Variants in SPIDR observed in about 807,000 individuals in gnomAD.
SPIDR encodes DNA repair-scaffolding protein.
Under a neutral mutation model 104.6 loss-of-function variants are expected in SPIDR, and 93 were observed. That is an observed-to-expected ratio of 0.89 (90% CI 0.75 to 1.06). The LOEUF (loss-of-function observed/expected upper bound fraction) is 1.06. Among genes scored for constraint, SPIDR ranks in the 50% least tolerant of loss-of-function variants. SPIDR has a pLI of 0.00. For missense variants in SPIDR, 1,154 were observed against 1,111.2 expected, an observed-to-expected ratio of 1.04 and a Z score of -0.55; for synonymous variants, 431 against 416.9, an observed-to-expected ratio of 1.03 and a Z score of -0.41.
intron 9 of SPIDR, among the ~76,000 whole-genome samples, chr8:47,597,229 T>A (rs1297309436): frequency 1.3e-5 from 2 of 152,208 alleles, no homozygotes; most frequent in Non-Finnish European, 2.9e-5. Flanking sequence ...TACCTTTTTT[T>A]TTATACTTTA....
intron 10 of SPIDR, among the ~76,000 whole-genome samples, chr8:47,625,684 C>T (rs1373718667): frequency 6.2e-4 from 94 of 151,526 alleles, no homozygotes; most frequent in East Asian, 1.4e-3. Flanking sequence ...TTACAAGGGA[C>T]GTGAAGGACC....
chr8:47,396,268 C>T, intron 5 of SPIDR, 108 bp from the exon 6 acceptor site: 1 of 973,114 alleles, frequency 1.0e-6, no homozygotes, highest in East Asian at 2.6e-5. Flanking sequence ...AAAGGTCCTT[C>T]AAGAGCTGTA....
intron 5 of SPIDR, among the ~76,000 whole-genome samples, chr8:47,329,995 G>C (rs1554603503): frequency 6.6e-6 from 1 of 152,162 alleles, no homozygotes; most frequent in Non-Finnish European, 1.5e-5. Flanking sequence ...CATATGCTGA[G>C]TTTTAATTAG....
At position 47,625,765 on chromosome 8, in the gene SPIDR, A is replaced by G. The variant is rs1013937786; in HGVS notation, c.1544+26569A>G. The stretch of plus-strand genomic sequence containing the variant: ...ATACAAACAAATGGAAGAACATTCC[A>G]TGCTCATGGGTAGGAAGAATCAATA... On this transcript the variant is annotated intron_variant, in intron 10 of 19. Coordinates refer to ENST00000297423, the MANE Select transcript of SPIDR (RefSeq NM_001080394.4). 4.0e-4 allele frequency among the ~76,000 whole-genome samples: 61 copies of G among 152,286 alleles called. No homozygotes were observed. In the East Asian group the frequency reaches 7.1e-3, roughly 18 times the overall value.
intron 5 of SPIDR, among the ~76,000 whole-genome samples, chr8:47,343,603 G>C (rs2051216742): frequency 6.6e-6 from 1 of 152,182 alleles, no homozygotes; most frequent in African/African-American, 2.4e-5. Flanking sequence ...TCATCTGCGT[G>C]TGCTTCACTT....
intron 10 of SPIDR, among the ~76,000 whole-genome samples, chr8:47,623,511 C>G (rs1004202709): frequency 3.9e-5 from 6 of 152,078 alleles, no homozygotes; most frequent in Non-Finnish European, 7.3e-5. Context: ...TGCAGAGACA[C>G]ATATAGGCCC....
intron 8 of SPIDR, among the ~76,000 whole-genome samples, chr8:47,558,780 C>T (rs1800379257): frequency 6.6e-6 from 1 of 152,156 alleles, no homozygotes; most frequent in Admixed American, 6.5e-5. Flanking sequence ...GCTCGGACTA[C>T]AGGCGCCCAC....
At chr8:47,501,265 C>T (rs1468094369) in intron 8 of SPIDR, among the ~76,000 whole-genome samples, 1 of 152,308 alleles carries the variant, frequency 6.6e-6, no homozygotes, top group South Asian at 2.1e-4. Flanking sequence ...TTGATTCTTC[C>T]TATCCATGAG....
At chr8:47,286,702 A>G (rs2038913638) in intron 3 of SPIDR, among the ~76,000 whole-genome samples, 1 of 152,346 alleles carries the variant, frequency 6.6e-6, no homozygotes, top group South Asian at 2.1e-4. Context: ...TCAGAACTTA[A>G]TCTAGGGGGA....
At chr8:47,361,832 G>A (rs2056031308) in intron 5 of SPIDR, among the ~76,000 whole-genome samples, 1 of 152,238 alleles carries the variant, frequency 6.6e-6, no homozygotes, top group South Asian at 2.1e-4. Context: ...CTTTATTTTA[G>A]TTGGCTCCAT....
In SPIDR at chr8:47,596,770, A is replaced by G. The variant is rs557613956; in HGVS notation, c.1293+764A>G. Among the ~76,000 whole-genome samples, 18 of 152,320 alleles carry G rather than the reference A, an allele frequency of 1.2e-4. No individual in the cohort carries two copies. In the South Asian group the frequency reaches 3.7e-3, roughly 32 times the overall value. On this transcript the variant is annotated intron_variant, in intron 9 of 19. Coordinates refer to ENST00000297423, the MANE Select transcript of SPIDR (RefSeq NM_001080394.4). ...TCTTTTATAGCAACACTTAGCTTAC[A>G]ACACAAATACATTGTACAGCTATAA...
chr8:47,363,315 C>T (rs1587715276), intron 5 of SPIDR, among the ~76,000 whole-genome samples: 1 of 144,166 alleles, frequency 6.9e-6, no homozygotes, highest in African/African-American at 2.6e-5. Context: ...ACACCATTCT[C>T]CTGCCTCAGC....
chr8:47,304,698 T>G lies in SPIDR; in HGVS notation c.525+10668T>G, dbSNP rs914440224. ...CAGAAGCATATGCCACCATTCTTCCTGTACAGCCTGCAGAACTGTGAGCCA... is the reference window on the plus strand; with the variant it reads ...CAGAAGCATATGCCACCATTCTTCCGGTACAGCCTGCAGAACTGTGAGCCA... On this transcript the variant is annotated intron_variant, in intron 5 of 19. Transcript: ENST00000297423. Among the ~76,000 whole-genome samples the G allele has an allele frequency of 1.5e-4, 23 of 152,294 alleles. No homozygotes were observed. In the East Asian group the frequency reaches 4.4e-3, roughly 29 times the overall value.
At chr8:47,652,066 A>G (rs2071751401) in intron 10 of SPIDR, among the ~76,000 whole-genome samples, 1 of 152,194 alleles carries the variant, frequency 6.6e-6, no homozygotes, top group Non-Finnish European at 1.5e-5. Flanking sequence ...ACACTATACA[A>G]TTCATCTGTG....
chr8:47,695,698 A>G (rs1238911877), intron 11 of SPIDR, among the ~76,000 whole-genome samples: 1 of 152,210 alleles, frequency 6.6e-6, no homozygotes. Flanking sequence ...ACTTTCTTCC[A>G]GTGGACTGGA....
intron 19 of SPIDR, among the ~76,000 whole-genome samples, chr8:47,730,244 A>ATTATATATT (rs2084982783): frequency 6.6e-6 from 1 of 152,206 alleles, no homozygotes; most frequent in African/African-American, 2.4e-5. Flanking sequence ...CCACCTAAAT[A>ATTATATATT]TATAATTGAT....
At chr8:47,439,325 A>C (rs998573236) in intron 7 of SPIDR, among the ~76,000 whole-genome samples, 1 of 152,182 alleles carries the variant, frequency 6.6e-6, no homozygotes, top group African/African-American at 2.4e-5. Context: ...TTGTATTCAT[A>C]AACTATTGTA....
In SPIDR at chr8:47,712,584, G is replaced by A. The variant is rs2082033847; in HGVS notation, c.1978-78G>A. 1.6e-5 allele frequency: 23 copies of A among 1,408,128 alleles called. No homozygotes were observed. In the South Asian group the frequency reaches 2.8e-4, roughly 17 times the overall value. 87.2% of individuals were successfully genotyped at this position (1,408,128 alleles called of 1,614,324 possible). On this transcript the variant is annotated intron_variant, in intron 14 of 19. Coordinates refer to ENST00000297423, the MANE Select transcript of SPIDR (RefSeq NM_001080394.4). The stretch of plus-strand genomic sequence containing the variant: ...ATAATATCTTAAATTGTTAGTATAT[G>A]TATAACTTCTGCTTTTAAATGCTTT...
intron 8 of SPIDR, among the ~76,000 whole-genome samples, chr8:47,537,685 C>A (rs2087167339): frequency 6.6e-6 from 1 of 151,978 alleles, no homozygotes; most frequent in Non-Finnish European, 1.5e-5. Flanking sequence ...AAGAGTGAAC[C>A]CAATGTAAAC....
Sources: allele counts gnomAD v4.1 joint callset (sites outside exome capture counted in the v4.1 genomes callset), GRCh38; gene constraint gnomAD v4.1.1; transcripts MANE v1.5; gene names NCBI Gene and HGNC (gene_info 2026-07-23, HGNC 2026-07-21).